The following KIAA0040 variants were observed in gnomAD, a reference collection of about 807,000 sequenced individuals.
KIAA0040 encodes the protein KIAA0040.
KIAA0040 carries 10 observed loss-of-function variants against 7.2 expected under a neutral mutation model. The observed-to-expected ratio is 1.38, with a 90% confidence interval of 0.85 to 2.34. The LOEUF is 2.34. Among genes scored for constraint, KIAA0040 ranks in the 30% most tolerant of loss-of-function variants. The probability of loss-of-function intolerance (pLI) is 0.00; values close to 1 mark genes in which losing one functional copy is unlikely to be tolerated. For synonymous variants in KIAA0040, 49 were observed against 40.1 expected, an observed-to-expected ratio of 1.22 and a Z score of -0.84; for missense variants, 89 against 108.2, an observed-to-expected ratio of 0.82 and a Z score of 0.79.
chr1:175,181,875 C>A (rs1677451861), intron 1 of KIAA0040, among the ~76,000 whole-genome samples: 1 of 152,188 alleles, frequency 6.6e-6, no homozygotes, highest in Non-Finnish European at 1.5e-5. Context: ...AGAAAGAATC[C>A]AGTCAAAGTG....
intron 2 of KIAA0040, among the ~76,000 whole-genome samples, chr1:175,174,849 G>A (rs1167399172): frequency 6.6e-6 from 1 of 151,876 alleles, no homozygotes; most frequent in Non-Finnish European, 1.5e-5. Flanking sequence ...ACCACATCCT[G>A]GTATTAGTGC....
chr1:175,184,567 T>A (rs1188831611), intron 1 of KIAA0040, among the ~76,000 whole-genome samples: 2 of 151,990 alleles, frequency 1.3e-5, no homozygotes, highest in Admixed American at 1.3e-4. Context: ...GGCATAGGAG[T>A]TCCATGTCAG....
chr1:175,160,657 T>C lies in KIAA0040; in HGVS notation c.*57A>G, dbSNP rs1420636984. On this transcript the variant is annotated 3_prime_UTR_variant, in exon 4 of 4. Transcript: ENST00000423313. ...ATTTCAGGGGTTCCTGAAATGTCTG[T>C]GTGTGGTCAGAAGGAGGCTTAGCCC... 4 of 1,436,532 alleles carry C rather than the reference T, an allele frequency of 2.8e-6. No individual in the cohort carries two copies. Among genetic ancestry groups the C allele is most frequent in the South Asian group, 2.9e-5 (2 of 69,540 alleles). The allele number at this position is 1,436,532 out of a possible 1,614,324, so 89.0% of individuals were successfully genotyped here.
chr1:175,188,687 G>T (rs1379473084), intron 1 of KIAA0040, among the ~76,000 whole-genome samples: 1 of 152,188 alleles, frequency 6.6e-6, no homozygotes, highest in Non-Finnish European at 1.5e-5. Flanking sequence ...TTCTCTTCTT[G>T]AGGGGTCTTT....
intron 2 of KIAA0040, among the ~76,000 whole-genome samples, chr1:175,170,177 G>T (rs1309255072): frequency 6.6e-6 from 1 of 152,172 alleles, no homozygotes; most frequent in East Asian, 1.9e-4. Flanking sequence ...TCTGAAGTGG[G>T]AAAGCGCATG....
chr1:175,173,649 C>T (rs571683907), intron 2 of KIAA0040, among the ~76,000 whole-genome samples: 2 of 152,274 alleles, frequency 1.3e-5, no homozygotes, highest in Non-Finnish European at 2.9e-5. Flanking sequence ...GGTGTTCATC[C>T]AACTATTCAT....
intron 2 of KIAA0040, among the ~76,000 whole-genome samples, chr1:175,173,392 T>G (rs1000930756): frequency 1.3e-5 from 2 of 152,216 alleles, no homozygotes; most frequent in African/African-American, 2.4e-5. Flanking sequence ...CAACTCTGTG[T>G]GTGGAATCAA....
chr1:175,172,815 C>T (rs1336898224), intron 2 of KIAA0040, among the ~76,000 whole-genome samples: 2 of 152,160 alleles, frequency 1.3e-5, no homozygotes, highest in Non-Finnish European at 2.9e-5. Flanking sequence ...ATTAATGCAT[C>T]GCTGGGCAGA....
intron 1 of KIAA0040, among the ~76,000 whole-genome samples, chr1:175,183,500 G>A (rs74126935): frequency 0.011 from 1,630 of 152,324 alleles, 32 homozygotes; most frequent in African/African-American, 0.038. Flanking sequence ...TGGGATAGCA[G>A]GGTAGGTCTC....
intron 1 of KIAA0040, among the ~76,000 whole-genome samples, chr1:175,184,678 A>G (rs1677585767): frequency 6.6e-6 from 1 of 152,200 alleles, no homozygotes; most frequent in African/African-American, 2.4e-5. Flanking sequence ...CTGGAAATGC[A>G]ATGATGGAAT....
rs1676390084 is a variant in KIAA0040 at position 175,158,554 on chromosome 1, G to C, written c.*2160C>G. The C allele has an allele frequency of 6.6e-6, 1 of 152,390 alleles. No homozygotes were observed. Among genetic ancestry groups the C allele is most frequent in the Non-Finnish European group, 1.5e-5 (1 of 68,134 alleles). The allele number at this position is 152,390 out of a possible 1,614,324, so 9.4% of individuals were successfully genotyped here. On this transcript the variant is annotated 3_prime_UTR_variant, in exon 4 of 4. Coordinates refer to ENST00000423313, the MANE Select transcript of KIAA0040 (RefSeq NM_014656.3). The stretch of plus-strand genomic sequence containing the variant: ...GGGACTGAGAGGTGGAGACAGGAAG[G>C]GCAGCTTGTCCTGGTGAGCAGTGGC...
At chr1:175,177,445 T>C (rs975222260) in intron 2 of KIAA0040, among the ~76,000 whole-genome samples, 166 bp downstream of exon 2, 1 of 152,204 alleles carries the variant, frequency 6.6e-6, no homozygotes, top group Admixed American at 6.5e-5. Flanking sequence ...CAGATTCTTC[T>C]CAAGAATCTG....
chr1:175,164,410 G>A (rs1676671835), intron 3 of KIAA0040, among the ~76,000 whole-genome samples: 1 of 152,156 alleles, frequency 6.6e-6, no homozygotes, highest in Admixed American at 6.5e-5. Flanking sequence ...TAAAAGCCAA[G>A]TACAATAAGC....
At chr1:175,184,404 C>T (rs970110252) in intron 1 of KIAA0040, among the ~76,000 whole-genome samples, 20 of 152,320 alleles carry the variant, frequency 1.3e-4, no homozygotes, top group Admixed American at 2.6e-4. Flanking sequence ...CCCTACCCTT[C>T]TTCTCCCTCT....
intron 3 of KIAA0040, among the ~76,000 whole-genome samples, chr1:175,165,906 T>C (rs201061506): frequency 1.0e-4 from 3 of 29,230 alleles, no homozygotes; most frequent in African/African-American, 4.4e-4. Context: ...ATTGTTCTTG[T>C]TTTTTAGACA....
At chr1:175,168,640 A>T (rs1676867940) in intron 2 of KIAA0040, among the ~76,000 whole-genome samples, 1 of 152,170 alleles carries the variant, frequency 6.6e-6, no homozygotes, top group South Asian at 2.1e-4. Flanking sequence ...ATTGATGGGA[A>T]ATCTGGGACC....
chr1:175,179,716 G>T (rs574705382), intron 1 of KIAA0040, among the ~76,000 whole-genome samples: 21 of 152,266 alleles, frequency 1.4e-4, no homozygotes, highest in African/African-American at 5.1e-4. Context: ...TTTTTTAAAG[G>T]CTTCTGAAAA....
At chr1:175,191,430 G>A (rs1231682404) in intron 1 of KIAA0040, among the ~76,000 whole-genome samples, 1 of 152,184 alleles carries the variant, frequency 6.6e-6, no homozygotes, top group Non-Finnish European at 1.5e-5. Flanking sequence ...ATCTGGGATG[G>A]GGACAGAGAG....
At chr1:175,182,525 C>T (rs573252615) in intron 1 of KIAA0040, among the ~76,000 whole-genome samples, 10 of 152,298 alleles carry the variant, frequency 6.6e-5, no homozygotes, top group South Asian at 2.1e-4. Flanking sequence ...AAGCCTAGAT[C>T]GGTCCGTGGT....
Sources: allele counts gnomAD v4.1 joint callset (sites outside exome capture counted in the v4.1 genomes callset), GRCh38; gene constraint gnomAD v4.1.1; transcripts MANE v1.5; gene names NCBI Gene and HGNC (gene_info 2026-07-23, HGNC 2026-07-21).